TRIM27: variants seen among roughly 807,000 people sequenced by gnomAD.
TRIM27 encodes tripartite motif containing 27, also known as zinc finger protein RFP.
Under a neutral mutation model 57.6 loss-of-function variants are expected in TRIM27, and 12 were observed. The observed-to-expected ratio is 0.21, with a 90% CI of 0.13 to 0.34. The LOEUF is 0.34. Ranked by LOEUF, TRIM27 falls within the 10% of genes least tolerant of loss-of-function variation. The probability of loss-of-function intolerance (pLI) is 1.00; values close to 1 mark genes in which losing one functional copy is unlikely to be tolerated. For missense variants in TRIM27, 403 were observed against 656.8 expected (o/e 0.61, Z 4.22); for synonymous variants, 266 against 259.0 (o/e 1.03, Z -0.26).
intron 3 of TRIM27, among the ~76,000 whole-genome samples, chr6:28,917,677 C>CT (rs1288914392): frequency 6.6e-6 from 1 of 152,006 alleles, no homozygotes; most frequent in Non-Finnish European, 1.5e-5. Flanking sequence ...CGCAAACCAA[C>CT]TGTCTTTCCC....
chr6:28,923,784 C>G lies in TRIM27; in HGVS notation c.-152G>C, dbSNP rs1774261904. The G allele has an allele frequency of 4.7e-6, 4 of 851,744 alleles. No homozygotes were observed. In the South Asian group the frequency reaches 7.6e-5, roughly 16 times the overall value. The allele number at this position is 851,744 out of a possible 1,614,324, so 52.8% of individuals were successfully genotyped here. ...CCCGGGCCCGTATCCCAGACGCGCC[C>G]GCGCACCGAAGGCTTGGAGTGGCCG... is the stretch of plus-strand genomic sequence containing the variant. On this transcript the variant is annotated 5_prime_UTR_variant, in exon 1 of 8. Transcript: ENST00000377199.
intron 3 of TRIM27, among the ~76,000 whole-genome samples, chr6:28,912,586 G>C (rs1340087263): frequency 6.6e-6 from 1 of 151,874 alleles, no homozygotes; most frequent in Non-Finnish European, 1.5e-5. Context: ...CAGTTCATAG[G>C]TATCATTCTT....
At chr6:28,919,311 G>T (rs188179503) in intron 3 of TRIM27, among the ~76,000 whole-genome samples, 1 of 152,160 alleles carries the variant, frequency 6.6e-6, no homozygotes, top group Admixed American at 6.5e-5. Context: ...CACCTGGCCC[G>T]CCATCATCCA....
chr6:28,908,094 C>G (rs1727961616), intron 6 of TRIM27: 1 of 165,210 alleles, frequency 6.1e-6, no homozygotes, highest in Admixed American at 6.4e-5. Context: ...ATGGCCAACT[C>G]TTTACTGAAT....
chr6:28,923,032 C>A (rs1238324299), intron 1 of TRIM27, among the ~76,000 whole-genome samples, 181 bp downstream of exon 1: 2 of 152,194 alleles, frequency 1.3e-5, no homozygotes, highest in African/African-American at 4.8e-5. Flanking sequence ...GGCTTCCTCG[C>A]CAGCTACAGG....
chr6:28,914,050 C>T (rs1581502573), intron 3 of TRIM27, among the ~76,000 whole-genome samples: 2 of 142,778 alleles, frequency 1.4e-5, no homozygotes, highest in East Asian at 2.1e-4. Flanking sequence ...AAGACAGAGT[C>T]TTGCTCTGTT....
At chr6:28,921,271 C>G (rs1774010954) in intron 2 of TRIM27, among the ~76,000 whole-genome samples, 1 of 151,794 alleles carries the variant, frequency 6.6e-6, no homozygotes, top group South Asian at 2.1e-4. Context: ...GCCTCAGCTA[C>G]CTGGGAGGCT....
At chr6:28,911,631 T>G in intron 4 of TRIM27, 65 bp downstream of exon 4, 1 of 1,542,246 alleles carries the variant, frequency 6.5e-7, no homozygotes, top group Non-Finnish European at 8.9e-7. Flanking sequence ...CTTTCAGGAT[T>G]TACAAATGTG....
rs1451185515 is a variant in TRIM27 at position 28,904,120 on chromosome 6, A to C, written c.1492T>G (p.Phe498Val). The C allele has an allele frequency of 6.2e-7, 1 of 1,612,994 alleles. No individual in the cohort carries two copies. ...IICPMSGIDG[F>V]SGHVGNHGHS... Reference sequence around the variant, plus strand: ...CCATGATTCCCAACATGGCCAGAAAACCCATCTATCCCACTCATGGGGCAG... The same window carrying C: ...CCATGATTCCCAACATGGCCAGAAACCCCATCTATCCCACTCATGGGGCAG... The change falls in exon 8 of 8, where the codon TTT becomes GTT. Residue 498 changes from phenylalanine to valine, a missense_variant. Transcript: ENST00000377199. The surrounding 1 kb of genome is among the most constrained non-coding windows in gnomAD (Gnocchi z 6.1).
intron 3 of TRIM27, among the ~76,000 whole-genome samples, chr6:28,917,236 C>T (rs1773676441): frequency 6.6e-6 from 1 of 152,018 alleles, no homozygotes; most frequent in Admixed American, 6.6e-5. Context: ...TTACTCAGTG[C>T]CCACGCCAGA....
chr6:28,909,454 A>G (rs1314000791), intron 4 of TRIM27, among the ~76,000 whole-genome samples: 2 of 152,250 alleles, frequency 1.3e-5, no homozygotes, highest in African/African-American at 4.8e-5. Context: ...GAACTAGGAC[A>G]GGGGCTAAGT....
rs1190601891 is a variant in TRIM27 at position 28,909,106 on chromosome 6, G to A, written c.771-18C>T. The A allele has an allele frequency of 3.8e-6, 6 of 1,569,134 alleles. No individual in the cohort carries two copies. The highest frequency in any genetic ancestry group is 5.2e-6 in the Non-Finnish European group (6 of 1,151,906). ...TTTCAGCCCTAAATTTAAAAAACAT[G>A]AGTAAATTTTTTTTTTTTTTGAGAT... On this transcript the variant is annotated intron_variant, in intron 4 of 7. Coordinates refer to ENST00000377199, the MANE Select transcript of TRIM27 (RefSeq NM_006510.5).
intron 3 of TRIM27, among the ~76,000 whole-genome samples, chr6:28,918,108 G>A (rs1480893604): frequency 6.6e-6 from 1 of 152,158 alleles, no homozygotes; most frequent in African/African-American, 2.4e-5. Context: ...TTACAGGCAT[G>A]AGCCACCGTG....
At chr6:28,920,773 T>A (rs1031744150) in intron 2 of TRIM27, among the ~76,000 whole-genome samples, 1 of 152,098 alleles carries the variant, frequency 6.6e-6, no homozygotes, top group South Asian at 2.1e-4. Context: ...GGGTAAGGAC[T>A]CTATCCCAAC....
intron 3 of TRIM27, among the ~76,000 whole-genome samples, chr6:28,912,730 C>A (rs566855117): frequency 6.6e-6 from 1 of 152,120 alleles, no homozygotes; most frequent in Non-Finnish European, 1.5e-5. Context: ...TTATCTTGTG[C>A]ATATGTATTT....
chr6:28,906,596 A>G (rs2150459604), intron 7 of TRIM27: 1 of 152,234 alleles, frequency 6.6e-6, no homozygotes, highest in East Asian at 1.9e-4. Flanking sequence ...GAAAATAAAT[A>G]TGGATCAGAG....
intron 3 of TRIM27, among the ~76,000 whole-genome samples, chr6:28,917,046 G>A (rs1270047538): frequency 6.6e-6 from 1 of 151,966 alleles, no homozygotes; most frequent in African/African-American, 2.4e-5. Flanking sequence ...GGAGGCTGAG[G>A]TGGGAGGATC....
intron 3 of TRIM27, among the ~76,000 whole-genome samples, chr6:28,916,343 A>G (rs956904638): frequency 1.3e-5 from 2 of 151,638 alleles, no homozygotes; most frequent in African/African-American, 4.8e-5. Context: ...ACCTGAAGTC[A>G]GGAGTTTGAG....
chr6:28,910,814 A>G (rs529593702), intron 4 of TRIM27, among the ~76,000 whole-genome samples: 20 of 152,290 alleles, frequency 1.3e-4, no homozygotes, highest in Admixed American at 8.5e-4. Flanking sequence ...TGCTTAGGTC[A>G]TCTGGCTGGG....
Sources: allele counts gnomAD v4.1 joint callset (sites outside exome capture counted in the v4.1 genomes callset), GRCh38; gene constraint gnomAD v4.1.1; non-coding constraint Gnocchi (gnomAD v3.1); transcripts MANE v1.5; gene names NCBI Gene and HGNC (gene_info 2026-07-23, HGNC 2026-07-21).